The following LCLAT1 variants were observed in gnomAD, a reference collection of about 807,000 sequenced individuals.
LCLAT1 encodes 1-AGP acyltransferase 8.
In LCLAT1, 11 loss-of-function variants were observed where a neutral mutation model predicts 30.7. The ratio of observed to expected loss-of-function variants is 0.36; its 90% CI spans 0.23 to 0.59. The LOEUF is 0.59. Among genes scored for constraint, LCLAT1 ranks in the 20% least tolerant of loss-of-function variants. The pLI, the probability that LCLAT1 is intolerant of heterozygous loss-of-function variation, is 0.77. For missense variants in LCLAT1, 402 were observed against 458.6 expected, an observed-to-expected ratio of 0.88 and a Z score of 1.13; for synonymous variants, 155 against 151.3, an observed-to-expected ratio of 1.02 and a Z score of -0.18.
At chr2:30,451,370 C>A (rs927649554) in intron 1 of LCLAT1, among the ~76,000 whole-genome samples, 1 of 152,158 alleles carries the variant, frequency 6.6e-6, no homozygotes, top group Non-Finnish European at 1.5e-5. Context: ...TTTGTCTACT[C>A]CTACCCGTGA....
At chr2:30,598,645 T>G (rs1273140180) in intron 5 of LCLAT1, among the ~76,000 whole-genome samples, 1 of 152,196 alleles carries the variant, frequency 6.6e-6, no homozygotes, top group Non-Finnish European at 1.5e-5. Flanking sequence ...TTCATATCTC[T>G]GTGTCCTTCA....
chr2:30,619,792 G>T (rs935160288), intron 5 of LCLAT1, among the ~76,000 whole-genome samples: 1 of 152,106 alleles, frequency 6.6e-6, no homozygotes. Flanking sequence ...TTCCCTTTAA[G>T]TTTTTCCCCC....
At chr2:30,470,380 C>G (rs1682714252) in intron 1 of LCLAT1, among the ~76,000 whole-genome samples, 2 of 152,210 alleles carry the variant, frequency 1.3e-5, no homozygotes, top group African/African-American at 2.4e-5. Flanking sequence ...TAGCAGAATT[C>G]AGGCTCCTAC....
At position 30,562,303 on chromosome 2, in the gene LCLAT1, C is replaced by G; in HGVS notation, c.511+11C>G. On this transcript the variant is annotated intron_variant, in intron 4 of 5. Transcript: ENST00000379509. ...GGACTGATCTCACAGGTAATGTAGC[C>G]TGGGTTTGGCAAAGTTAGAAATCAT... 1 of 1,581,458 alleles carries G rather than the reference C, an allele frequency of 6.3e-7. No homozygotes were observed. The highest frequency in any genetic ancestry group is 8.6e-7 in the Non-Finnish European group (1 of 1,158,796).
chr2:30,537,534 A>ACG (rs1163105363), intron 3 of LCLAT1, among the ~76,000 whole-genome samples: 1 of 151,926 alleles, frequency 6.6e-6, no homozygotes, highest in Non-Finnish European at 1.5e-5. Flanking sequence ...ACACACACAC[A>ACG]CACACACACA....
At chr2:30,525,242 A>G (rs1005149066) in intron 1 of LCLAT1, among the ~76,000 whole-genome samples, 1 of 151,984 alleles carries the variant, frequency 6.6e-6, no homozygotes, top group Middle Eastern at 3.2e-3. Flanking sequence ...GCAGCTGGCT[A>G]AGTTTTGTAT....
At chr2:30,480,336 G>T (rs1475662634) in intron 1 of LCLAT1, among the ~76,000 whole-genome samples, 1 of 152,006 alleles carries the variant, frequency 6.6e-6, no homozygotes, top group Non-Finnish European at 1.5e-5. Context: ...GACTACAGGT[G>T]TACACCACCA....
At chr2:30,605,837 G>A (rs1025209780) in intron 5 of LCLAT1, among the ~76,000 whole-genome samples, 11 of 152,070 alleles carry the variant, frequency 7.2e-5, no homozygotes, top group African/African-American at 2.2e-4. Context: ...ATTTGTCCAC[G>A]GCTCGGGGAG....
chr2:30,498,993 A>T (rs945511281), intron 1 of LCLAT1, among the ~76,000 whole-genome samples: 3 of 152,158 alleles, frequency 2.0e-5, no homozygotes, highest in African/African-American at 7.2e-5. Context: ...CTGGATAAAA[A>T]TTTTCTTAGC....
At chr2:30,596,597 G>T (rs1238814205) in intron 5 of LCLAT1, among the ~76,000 whole-genome samples, 1 of 151,482 alleles carries the variant, frequency 6.6e-6, no homozygotes, top group African/African-American at 2.4e-5. Context: ...TAGAATGTCT[G>T]TTTGCTCTGA....
At chr2:30,482,782 A>G (rs542194276) in intron 1 of LCLAT1, among the ~76,000 whole-genome samples, 8 of 152,128 alleles carry the variant, frequency 5.3e-5, no homozygotes, top group African/African-American at 1.9e-4. Context: ...CCTATTAAAA[A>G]AAAAAAAAGC....
intron 5 of LCLAT1, among the ~76,000 whole-genome samples, chr2:30,608,244 C>T (rs1417216453): frequency 6.6e-6 from 1 of 150,730 alleles, no homozygotes; most frequent in African/African-American, 2.4e-5. Context: ...TAGCTTGAAC[C>T]TGGGAGGCGG....
chr2:30,594,292 G>A (rs1010244771), intron 5 of LCLAT1, among the ~76,000 whole-genome samples: 4 of 151,834 alleles, frequency 2.6e-5, no homozygotes, highest in Admixed American at 6.6e-5. Context: ...AGTTTTTTCC[G>A]ATACTTTAAT....
intron 5 of LCLAT1, among the ~76,000 whole-genome samples, chr2:30,588,275 T>G (rs1224097619): frequency 6.6e-6 from 1 of 152,212 alleles, no homozygotes; most frequent in Non-Finnish European, 1.5e-5. Flanking sequence ...CCTTCAGCTT[T>G]TAATTCAAAT....
At chr2:30,525,334 C>G (rs1558496493) in intron 1 of LCLAT1, among the ~76,000 whole-genome samples, 2 of 152,124 alleles carry the variant, frequency 1.3e-5, no homozygotes, top group Non-Finnish European at 2.9e-5. Flanking sequence ...GCTTCAGCCT[C>G]CTAAAGTGCT....
At chr2:30,612,232 A>G (rs532989819) in intron 5 of LCLAT1, among the ~76,000 whole-genome samples, 28 of 152,284 alleles carry the variant, frequency 1.8e-4, no homozygotes, top group African/African-American at 6.7e-4. Context: ...TGCATTCCAG[A>G]ATGTCAGGAA....
chr2:30,488,872 T>G (rs1214928262), intron 1 of LCLAT1, among the ~76,000 whole-genome samples: 1 of 152,248 alleles, frequency 6.6e-6, no homozygotes, highest in African/African-American at 2.4e-5. Flanking sequence ...CAAATGATGC[T>G]CACCGAAGGC....
intron 3 of LCLAT1, among the ~76,000 whole-genome samples, chr2:30,539,911 T>C (rs999141627): frequency 2.0e-5 from 3 of 152,246 alleles, no homozygotes; most frequent in African/African-American, 7.2e-5. Context: ...TTGTTCCACA[T>C]AGATACTATG....
At chr2:30,484,493 T>C (rs1683470328) in intron 1 of LCLAT1, among the ~76,000 whole-genome samples, 1 of 152,172 alleles carries the variant, frequency 6.6e-6, no homozygotes, top group Non-Finnish European at 1.5e-5. Flanking sequence ...TTTCTCAGTT[T>C]CATTATAACT....
Sources: gnomAD v4.1 joint callset for allele counts (sites outside exome capture counted in the v4.1 genomes callset) on GRCh38, gnomAD v4.1.1 for gene constraint, MANE v1.5 for transcripts, NCBI Gene and HGNC (gene_info 2026-07-23, HGNC 2026-07-21) for gene names.